CDH6: variants seen among roughly 807,000 people sequenced by gnomAD.
CDH6 encodes cadherin 6.
Under a neutral mutation model 78.0 loss-of-function variants are expected in CDH6, and 31 were observed. The observed-to-expected ratio is 0.40, with a 90% CI of 0.30 to 0.54. The LOEUF is 0.54. Among genes scored for constraint, CDH6 ranks in the 20% least tolerant of loss-of-function variants. The pLI is 0.56. For missense variants in CDH6, 724 were observed against 975.9 expected, an observed-to-expected ratio of 0.74 and a Z score of 3.44; for synonymous variants, 376 against 368.8, an observed-to-expected ratio of 1.02 and a Z score of -0.23.
At chr5:31,219,187 C>A (rs893242632) in intron 1 of CDH6, among the ~76,000 whole-genome samples, 1 of 152,200 alleles carries the variant, frequency 6.6e-6, no homozygotes, top group African/African-American at 2.4e-5. Context: ...AACTGCAATT[C>A]TCTTCTGTGT....
At chr5:31,287,409 G>A (rs1442883803) in intron 2 of CDH6, among the ~76,000 whole-genome samples, 1 of 152,182 alleles carries the variant, frequency 6.6e-6, no homozygotes, top group Admixed American at 6.5e-5. Flanking sequence ...GATATTTGGT[G>A]TTTATGAATT....
At chr5:31,213,890 G>GA (rs1740788967) in intron 1 of CDH6, among the ~76,000 whole-genome samples, 1 of 151,912 alleles carries the variant, frequency 6.6e-6, no homozygotes, top group Non-Finnish European at 1.5e-5. Flanking sequence ...AATTCTCACT[G>GA]AAAAATGATT....
At chr5:31,245,772 A>T (rs1458031416) in intron 1 of CDH6, among the ~76,000 whole-genome samples, 6 of 152,094 alleles carry the variant, frequency 3.9e-5, no homozygotes. Flanking sequence ...CACTTAATCT[A>T]AAAGTTATCC....
intron 1 of CDH6, among the ~76,000 whole-genome samples, chr5:31,197,012 A>C (rs1740187217): frequency 6.6e-6 from 1 of 151,964 alleles, no homozygotes; most frequent in East Asian, 1.9e-4. Flanking sequence ...AAAAAAGTGC[A>C]ATGACTGTTT....
At chr5:31,256,326 C>G (rs2149927510) in intron 1 of CDH6, among the ~76,000 whole-genome samples, 1 of 152,252 alleles carries the variant, frequency 6.6e-6, no homozygotes, top group South Asian at 2.1e-4. Context: ...GATTCCTCCC[C>G]ATCACTTTCT....
intron 2 of CDH6, among the ~76,000 whole-genome samples, chr5:31,293,029 GACT>G (rs1156323427): frequency 6.6e-6 from 1 of 151,832 alleles, no homozygotes; most frequent in Non-Finnish European, 1.5e-5. Context: ...AGGAAACATG[GACT>G]ACTTATCCAA....
In CDH6 at chr5:31,261,927, T is replaced by G. The variant is rs777292754; in HGVS notation, c.-128-5419T>G. Among the ~76,000 whole-genome samples the G allele has an allele frequency of 3.9e-4, 59 of 152,136 alleles. 1 individual carries two copies. The highest frequency in any genetic ancestry group is 1.2e-4 in the Non-Finnish European group (8 of 68,012). On this transcript the variant is annotated intron_variant, in intron 1 of 11. Transcript: ENST00000265071. The stretch of plus-strand genomic sequence containing the variant: ...GAAGCAATTCAATCAATAAAAAAAA[T>G]TCTAATTAGCATATTAATTATTTGC...
At position 31,317,362 on chromosome 5, in the gene CDH6, G is replaced by A. The variant is rs376176086; in HGVS notation, c.1513-13G>A. Reference sequence around the variant, plus strand: ...ATCAAAATTTTATGGCAGCGTTTTGGTTTTTCTCTTAGTTGATTCAGACCC... The same window carrying A: ...ATCAAAATTTTATGGCAGCGTTTTGATTTTTCTCTTAGTTGATTCAGACCC... On this transcript the variant is annotated splice_polypyrimidine_tract_variant and intron_variant, in intron 9 of 11. Transcript: ENST00000265071. The A allele has an allele frequency of 1.6e-4, 214 of 1,360,982 alleles. No individual in the cohort carries two copies. The highest frequency in any genetic ancestry group is 7.7e-4 in the Admixed American group (38 of 49,054). 84.3% of individuals were successfully genotyped at this position (1,360,982 alleles called of 1,614,324 possible). A position where few individuals can be genotyped will look rare whatever the true frequency, so the allele number is the denominator to read the frequency against.
chr5:31,195,332 A>G (rs981625889), intron 1 of CDH6, among the ~76,000 whole-genome samples: 1 of 152,170 alleles, frequency 6.6e-6, no homozygotes, highest in African/African-American at 2.4e-5. Flanking sequence ...TGTGTTGGAA[A>G]AAGGAACCCA....
At chr5:31,310,211 G>T (rs1176794672) in intron 7 of CDH6, among the ~76,000 whole-genome samples, 1 of 32,466 alleles carries the variant, frequency 3.1e-5, no homozygotes, top group African/African-American at 6.4e-5. Flanking sequence ...CTCAAAAAGG[G>T]AGATATTGGC....
chr5:31,296,575 G>A (rs1451343245), intron 3 of CDH6, among the ~76,000 whole-genome samples: 4 of 152,062 alleles, frequency 2.6e-5, no homozygotes, highest in Non-Finnish European at 5.9e-5. Context: ...CATTCTTTAA[G>A]TTTCAAGGTC....
chr5:31,209,364 C>T (rs1461070733), intron 1 of CDH6, among the ~76,000 whole-genome samples: 2 of 152,102 alleles, frequency 1.3e-5, no homozygotes, highest in African/African-American at 2.4e-5. Flanking sequence ...TAAAGCCTTC[C>T]AATCAGTAAC....
intron 1 of CDH6, among the ~76,000 whole-genome samples, chr5:31,196,538 A>T (rs1430094169): frequency 2.0e-5 from 3 of 152,172 alleles, no homozygotes; most frequent in Non-Finnish European, 4.4e-5. Flanking sequence ...TTTTAGTTGG[A>T]AGGGACCTCT....
In CDH6 at chr5:31,294,399, A is replaced by G. The variant is rs1369147157; in HGVS notation, c.523+143A>G. On this transcript the variant is annotated intron_variant, in intron 3 of 11. Coordinates refer to ENST00000265071, the MANE Select transcript of CDH6 (RefSeq NM_004932.4). The surrounding 1 kb of genome is among the most constrained non-coding windows in gnomAD (Gnocchi z 4.1). Reference sequence around the variant, plus strand: ...CCATGTATGTCCTTTCTGTAAGTGCATATGTTTCCTAATATTACTCTAGTC... The same window carrying G: ...CCATGTATGTCCTTTCTGTAAGTGCGTATGTTTCCTAATATTACTCTAGTC... 5 of 672,380 alleles carry G rather than the reference A, an allele frequency of 7.4e-6. No individual in the cohort carries two copies. Among genetic ancestry groups the G allele is most frequent in the South Asian group, 3.8e-5 (2 of 52,140 alleles). The allele number at this position is 672,380 out of a possible 1,614,324, so 41.7% of individuals were successfully genotyped here.
At chr5:31,293,159 G>A (rs1304717890) in intron 2 of CDH6, among the ~76,000 whole-genome samples, 1 of 151,814 alleles carries the variant, frequency 6.6e-6, no homozygotes, top group Non-Finnish European at 1.5e-5. Context: ...ATTACCTTTA[G>A]GAGCAGGGAA....
At chr5:31,217,301 A>G (rs1421473057) in intron 1 of CDH6, among the ~76,000 whole-genome samples, 1 of 152,180 alleles carries the variant, frequency 6.6e-6, no homozygotes, top group East Asian at 1.9e-4. Flanking sequence ...TCACAGCCTA[A>G]TGCACACATC....
intron 4 of CDH6, among the ~76,000 whole-genome samples, chr5:31,297,664 G>T (rs1219578814): frequency 6.6e-6 from 1 of 152,074 alleles, no homozygotes; most frequent in Non-Finnish European, 1.5e-5. Context: ...TCCAGTTTGG[G>T]GTGAAGCTAA....
At chr5:31,290,803 G>C (rs1743136906) in intron 2 of CDH6, among the ~76,000 whole-genome samples, 1 of 152,100 alleles carries the variant, frequency 6.6e-6, no homozygotes, top group Non-Finnish European at 1.5e-5. Flanking sequence ...GGGAGGAAGG[G>C]GGAGGAAGTG....
intron 6 of CDH6, among the ~76,000 whole-genome samples, chr5:31,304,659 T>A (rs903945541): frequency 2.5e-5 from 3 of 119,158 alleles, no homozygotes; most frequent in Non-Finnish European, 4.8e-5. Flanking sequence ...CACTCCAGCC[T>A]GGCGACAGAG....
Sources: allele counts gnomAD v4.1 joint callset (sites outside exome capture counted in the v4.1 genomes callset), GRCh38; gene constraint gnomAD v4.1.1; non-coding constraint Gnocchi (gnomAD v3.1); transcripts MANE v1.5; gene names NCBI Gene and HGNC (gene_info 2026-07-23, HGNC 2026-07-21).